UBE2F: variants seen among roughly 807,000 people sequenced by gnomAD.
The protein encoded by UBE2F is NEDD8-conjugating enzyme UBE2F.
Under a neutral mutation model 29.6 loss-of-function variants are expected in UBE2F, and 5 were observed. The ratio of observed to expected loss-of-function variants is 0.17; its 90% CI spans 0.09 to 0.36. The LOEUF (loss-of-function observed/expected upper bound fraction) is 0.36. UBE2F is among the 10% of genes least tolerant of loss of function. The probability of loss-of-function intolerance (pLI) is 1.00; values close to 1 mark genes in which losing one functional copy is unlikely to be tolerated. For missense variants in UBE2F, 141 were observed against 228.5 expected, an observed-to-expected ratio of 0.62 and a Z score of 2.47; for synonymous variants, 66 against 81.8, an observed-to-expected ratio of 0.81 and a Z score of 1.04.
At chr2:238,034,297 G>A (rs529150694) in intron 8 of UBE2F, among the ~76,000 whole-genome samples, 158 of 151,944 alleles carry the variant, frequency 1.0e-3, no homozygotes, top group African/African-American at 3.5e-3. Flanking sequence ...GCGTGGTGGC[G>A]GGCGCCTGTA....
At chr2:237,976,980 TAGC>T (rs1418475901) in intron 2 of UBE2F, among the ~76,000 whole-genome samples, 1 of 151,998 alleles carries the variant, frequency 6.6e-6, no homozygotes, top group East Asian at 1.9e-4. Flanking sequence ...GAAACCAAAG[TAGC>T]AGAATAGAAG....
rs148942812 is a variant in UBE2F at position 237,977,550 on chromosome 2, C to T, written c.118+4325C>T. Among the ~76,000 whole-genome samples the T allele has an allele frequency of 1.8e-3, 279 of 152,242 alleles. 1 individual carries two copies. Among genetic ancestry groups the T allele is most frequent in the East Asian group, 0.015 (76 of 5,180 alleles). The stretch of plus-strand genomic sequence containing the variant: ...CCTGATGGTTCATGCTTGTGGGGTC[C>T]GCCCCTAGAGTGCTCCTTTGTTTAG... On this transcript the variant is annotated intron_variant, in intron 2 of 9. Coordinates refer to ENST00000272930, the MANE Select transcript of UBE2F (RefSeq NM_080678.3).
At chr2:237,978,062 A>AGCAAGC (rs2063316126) in intron 2 of UBE2F, among the ~76,000 whole-genome samples, 1 of 152,164 alleles carries the variant, frequency 6.6e-6, no homozygotes, top group Non-Finnish European at 1.5e-5. Context: ...TTGGAGCAAG[A>AGCAAGC]GCAAGCGCAA....
intron 1 of UBE2F, among the ~76,000 whole-genome samples, chr2:237,970,759 G>A (rs150967192): frequency 8.1e-4 from 124 of 152,348 alleles, no homozygotes; most frequent in Non-Finnish European, 1.4e-3. Flanking sequence ...TTGTTGCCCA[G>A]GCTGGAGTGC....
At chr2:238,015,158 G>C (rs2088526465) in intron 4 of UBE2F, among the ~76,000 whole-genome samples, 1 of 152,288 alleles carries the variant, frequency 6.6e-6, no homozygotes, top group Non-Finnish European at 1.5e-5. Context: ...GTTGGGAAAG[G>C]CCTTTTCTAA....
Position 238,041,505 on chromosome 2 carries a change from T to C in UBE2F, c.*167T>C. ...AGAAGACCATCTTCATGACTGCTCATTGTAGATGGAGAATTCAACATAAAT... is the reference window on the plus strand; with the variant it reads ...AGAAGACCATCTTCATGACTGCTCACTGTAGATGGAGAATTCAACATAAAT... On this transcript the variant is annotated 3_prime_UTR_variant, in exon 10 of 10. Transcript: ENST00000272930. 1.7e-6 allele frequency: 1 copy of C among 605,334 alleles called. No individual in the cohort carries two copies. Among genetic ancestry groups the C allele is most frequent in the Non-Finnish European group, 3.0e-6 (1 of 337,860 alleles). 37.5% of individuals were successfully genotyped at this position (605,334 alleles called of 1,614,324 possible). A position where few individuals can be genotyped will look rare whatever the true frequency, so the allele number is the denominator to read the frequency against.
At chr2:238,041,145 C>T (rs541495724) in intron 9 of UBE2F, 143 bp from the exon 10 acceptor site, 22 of 740,736 alleles carry the variant, frequency 3.0e-5, no homozygotes, top group East Asian at 1.3e-4. Flanking sequence ...ACTCAGACTC[C>T]GCAAGGTCCC....
intron 4 of UBE2F, among the ~76,000 whole-genome samples, chr2:238,007,944 A>G (rs781078019): frequency 1.1e-4 from 17 of 152,130 alleles, no homozygotes; most frequent in Middle Eastern, 3.2e-3. Flanking sequence ...GTGTAAAATT[A>G]GTATTAATTA....
At chr2:237,972,541 ATTTTTTTT>A (rs57914670) in intron 1 of UBE2F, among the ~76,000 whole-genome samples, 5 of 124,254 alleles carry the variant, frequency 4.0e-5, no homozygotes, top group African/African-American at 9.0e-5. Flanking sequence ...TTAATTTTAA[ATTTTTTTT>A]TTTTTTTTTT....
chr2:237,999,374 T>G (rs2063748775), intron 4 of UBE2F, among the ~76,000 whole-genome samples: 1 of 152,264 alleles, frequency 6.6e-6, no homozygotes, highest in Admixed American at 6.5e-5. Context: ...GTGGCTGAAG[T>G]TTTAATTTTT....
In UBE2F at chr2:237,967,454, C is replaced by G. The variant is rs1430556490; in HGVS notation, c.-17+322C>G. Among the ~76,000 whole-genome samples the G allele has an allele frequency of 4.6e-5, 7 of 151,928 alleles. No homozygotes were observed. Among genetic ancestry groups the G allele is most frequent in the Non-Finnish European group, 8.8e-5 (6 of 67,928 alleles). ...GCCGAGCACCTGGTGTGAACCAGGC[C>G]CTGGGCCGAGCGTGGCACAGACCTG... On this transcript the variant is annotated intron_variant, in intron 1 of 9. Coordinates refer to ENST00000272930, the MANE Select transcript of UBE2F (RefSeq NM_080678.3). This position sits in a 1 kb window ranked among gnomAD's most constrained non-coding sequence, Gnocchi z 6.3.
At chr2:238,016,698 G>A (rs1471000741) in intron 5 of UBE2F, 65 bp downstream of exon 5, 77 of 1,438,108 alleles carry the variant, frequency 5.4e-5, no homozygotes, top group East Asian at 6.8e-5. Flanking sequence ...GCTGTGGCCC[G>A]CCACTGGCAC....
chr2:238,002,761 A>C (rs568782107), intron 4 of UBE2F, among the ~76,000 whole-genome samples: 1 of 151,866 alleles, frequency 6.6e-6, no homozygotes, highest in East Asian at 1.9e-4. Flanking sequence ...ACAGGTGTGC[A>C]CCACCACGCC....
chr2:237,974,535 A>T lies in UBE2F; in HGVS notation c.118+1310A>T, dbSNP rs1393255660. 2.7e-3 allele frequency among the ~76,000 whole-genome samples: 270 copies of T among 98,468 alleles called. 1 individual carries two copies. Among genetic ancestry groups the T allele is most frequent in the African/African-American group, 0.011 (258 of 24,506 alleles). 64.6% of individuals were successfully genotyped at this position (98,468 alleles called of 152,430 possible). On this transcript the variant is annotated intron_variant, in intron 2 of 9. Transcript: ENST00000272930. Reference sequence around the variant, plus strand: ...TTTTTGTTTTTTTTTTTTTTTTGAGATGGAGTCTCGCTCTGTCACCCAGGC... The same window carrying T: ...TTTTTGTTTTTTTTTTTTTTTTGAGTTGGAGTCTCGCTCTGTCACCCAGGC...
rs541172747 is a variant in UBE2F at position 238,028,786 on chromosome 2, T to C, written c.354-1770T>C. Among the ~76,000 whole-genome samples the C allele has an allele frequency of 2.4e-4, 37 of 152,310 alleles. 1 individual carries two copies. The South Asian group carries it at 7.7e-3, about 32-fold the overall frequency. On this transcript the variant is annotated intron_variant, in intron 6 of 9. Transcript: ENST00000272930. ...GACTTTTGTGAATTTAAACATGCTC[T>C]AATTCAAAAAAGTTTATCAGAGGTA...
intron 5 of UBE2F, among the ~76,000 whole-genome samples, chr2:238,022,690 C>G (rs2064324410): frequency 6.6e-6 from 1 of 152,138 alleles, no homozygotes; most frequent in South Asian, 2.1e-4. Flanking sequence ...CAGTGACCCA[C>G]CAAATAACCC....
intron 2 of UBE2F, among the ~76,000 whole-genome samples, chr2:237,977,453 G>A (rs2063304796): frequency 2.6e-5 from 4 of 152,236 alleles, no homozygotes; most frequent in Admixed American, 2.0e-4. Context: ...TGGAGTTTGT[G>A]AGGTGAGGGT....
At chr2:238,022,883 T>C (rs567280758) in intron 5 of UBE2F, among the ~76,000 whole-genome samples, 22 of 152,290 alleles carry the variant, frequency 1.4e-4, no homozygotes, top group African/African-American at 5.3e-4. Flanking sequence ...TTGGAAAGTA[T>C]GTATGTCAGA....
At chr2:237,976,768 C>T (rs1397736443) in intron 2 of UBE2F, among the ~76,000 whole-genome samples, 1 of 152,092 alleles carries the variant, frequency 6.6e-6, no homozygotes, top group Non-Finnish European at 1.5e-5. Context: ...GAATTTTGGC[C>T]CCATTCGAGC....
Sources: gnomAD v4.1 joint callset for allele counts (sites outside exome capture counted in the v4.1 genomes callset) on GRCh38, gnomAD v4.1.1 for gene constraint, Gnocchi (gnomAD v3.1) non-coding constraint, MANE v1.5 for transcripts, NCBI Gene and HGNC (gene_info 2026-07-23, HGNC 2026-07-21) for gene names.